ZNF507: variants seen among roughly 807,000 people sequenced by gnomAD.
ZNF507 encodes zinc finger protein 507.
Under a neutral mutation model 80.0 loss-of-function variants are expected in ZNF507, and 29 were observed. The ratio of observed to expected loss-of-function variants is 0.36; its 90% CI spans 0.27 to 0.49. The LOEUF is 0.49. ZNF507 is among the 20% of genes least tolerant of loss of function. ZNF507 has a pLI of 0.98. For synonymous variants in ZNF507, 462 were observed against 422.5 expected, an observed-to-expected ratio of 1.09 and a Z score of -1.15; for missense variants, 1,081 against 1,152.2, an observed-to-expected ratio of 0.94 and a Z score of 0.90.
chr19:32,381,990 G>A (rs1967629385), intron 5 of ZNF507: 1 of 152,482 alleles, frequency 6.6e-6, no homozygotes, highest in Admixed American at 6.5e-5. Flanking sequence ...CTAAATTGCT[G>A]AAGCTTTTTC....
intron 5 of ZNF507, among the ~76,000 whole-genome samples, chr19:32,370,942 T>C (rs939876833): frequency 6.6e-6 from 1 of 152,226 alleles, no homozygotes; most frequent in Admixed American, 6.5e-5. Flanking sequence ...TCCTTTTGCA[T>C]GTGGATATCC....
intron 4 of ZNF507, among the ~76,000 whole-genome samples, chr19:32,359,966 A>G (rs1405554300): frequency 1.3e-5 from 2 of 152,196 alleles, no homozygotes; most frequent in Admixed American, 6.5e-5. Context: ...GGCCTCCGGC[A>G]GTCCTCCCAC....
intron 3 of ZNF507, among the ~76,000 whole-genome samples, chr19:32,355,298 T>TA (rs1262953494): frequency 2.6e-5 from 4 of 152,228 alleles, no homozygotes; most frequent in South Asian, 2.1e-4. Context: ...ACGTTTGACT[T>TA]AAACAAATTT....
chr19:32,384,901 T>C lies in ZNF507; in HGVS notation c.*1818T>C, dbSNP rs370114991. ...CTCAAATCCACTGTATGTGGACTTA[T>C]ATTCATTTTCTCCTTTTTTCGGAAT... is the stretch of plus-strand genomic sequence containing the variant. On this transcript the variant is annotated 3_prime_UTR_variant, in exon 7 of 7. Coordinates refer to ENST00000355898, the MANE Select transcript of ZNF507 (RefSeq NM_001136156.2). 1.3e-4 allele frequency: 20 copies of C among 152,192 alleles called. No homozygotes were observed. The highest frequency in any genetic ancestry group is 4.6e-4 in the African/African-American group (19 of 41,454). The allele number at this position is 152,192 out of a possible 1,614,324, so 9.4% of individuals were successfully genotyped here. A position where few individuals can be genotyped will look rare whatever the true frequency, so the allele number is the denominator to read the frequency against.
At position 32,379,542 on chromosome 19, in the gene ZNF507, G is replaced by A. The variant is rs560618825; in HGVS notation, c.2361-2925G>A. Among the ~76,000 whole-genome samples, 4 of 152,284 alleles carry A rather than the reference G, an allele frequency of 2.6e-5. No homozygotes were observed. The East Asian group carries it at 7.7e-4, about 29-fold the overall frequency. On this transcript the variant is annotated intron_variant, in intron 5 of 6. Coordinates refer to ENST00000355898, the MANE Select transcript of ZNF507 (RefSeq NM_001136156.2). ...CTTCTTCACCCCTTCCTCCTGAGAG[G>A]TAACCCATTGTCTTGACAGTGATGT...
At position 32,356,733 on chromosome 19, in the gene ZNF507, G is replaced by A; in HGVS notation, c.2245G>A (p.Gly749Arg). Residue 749 changes from glycine to arginine, a missense_variant and splice_region_variant, in exon 4 of 7, where the codon GGG becomes AGG. Physicochemically the swap from Gly to Arg is moderately radical, Grantham distance 125. Around this residue, in one of 6 missense-constraint regions of ZNF507, gnomAD observed 40 missense variants for 52.4 expected, o/e 0.76. Transcript: ENST00000355898. ...AGCTGATGGAAAATGTGTCCAGGAA[G>A]GTATCTATGTATTTTGTTATGCAGG... ...DTADGKCVQE[G>R]NKSSVQKQYR... 6.2e-7 allele frequency: 1 copy of A among 1,611,318 alleles called. No individual in the cohort carries two copies. Among genetic ancestry groups the A allele is most frequent in the Non-Finnish European group, 8.5e-7 (1 of 1,177,494 alleles).
At chr19:32,374,734 A>C (rs1160400349) in intron 5 of ZNF507, among the ~76,000 whole-genome samples, 1 of 152,080 alleles carries the variant, frequency 6.6e-6, no homozygotes, top group African/African-American at 2.4e-5. Flanking sequence ...CACCCACCTC[A>C]GCCTCCCAAA....
chr19:32,351,802 A>G (rs141870229), intron 2 of ZNF507, among the ~76,000 whole-genome samples: 336 of 152,306 alleles, frequency 2.2e-3, no homozygotes, highest in African/African-American at 7.7e-3. Context: ...AAAAAAGCCT[A>G]AACTTAAAAA....
At chr19:32,352,071 G>GA (rs58546902) in intron 2 of ZNF507, among the ~76,000 whole-genome samples, 31,041 of 136,034 alleles carry the variant, frequency 0.23, 4,129 homozygotes, top group Non-Finnish European at 0.32. Flanking sequence ...CCCTTTCAGG[G>GA]AAAAAAAAAA....
Position 32,354,569 on chromosome 19 carries a change from A to G in ZNF507, c.1739A>G (p.Lys580Arg). 1 of 1,614,206 alleles carries G rather than the reference A, an allele frequency of 6.2e-7. No homozygotes were observed. Among genetic ancestry groups the G allele is most frequent in the East Asian group, 2.2e-5 (1 of 44,886 alleles). ...CAGGAATTGTCAGATGGGCAGGTTA[A>G]GACAGGCATCAGCATGTCCTTACTC... The part of the protein sequence containing the change: ...GRQELSDGQV[K>R]TGISMSLLTV... The change falls in exon 3 of 7, where the codon AAG becomes AGG. Residue 580 changes from lysine (K) to arginine (R), a missense_variant. This residue lies in a region of ZNF507 where 614 missense variants were observed against 583.9 expected (regional missense o/e 1.05). Coordinates refer to ENST00000355898, the MANE Select transcript of ZNF507 (RefSeq NM_001136156.2).
In ZNF507 at chr19:32,356,618, T is replaced by G; in HGVS notation, c.2130T>G (p.Ser710Arg). The G allele has an allele frequency of 6.2e-7, 1 of 1,610,242 alleles. No individual in the cohort carries two copies. The highest frequency in any genetic ancestry group is 8.5e-7 in the Non-Finnish European group (1 of 1,177,028). The change falls in exon 4 of 7, where the codon AGT becomes AGG. Residue 710 changes from serine (S) to arginine (R), a missense_variant and splice_region_variant. Coordinates refer to ENST00000355898, the MANE Select transcript of ZNF507 (RefSeq NM_001136156.2). ...ACATATTTCTTTCCACTTTTTAGAG[T>G]CAATTGAGGAACCATGAGAGAGAAC... ...KQCEESFHYK[S>R]QLRNHEREQH...
At chr19:32,351,995 C>T (rs1209436549) in intron 2 of ZNF507, among the ~76,000 whole-genome samples, 2 of 151,792 alleles carry the variant, frequency 1.3e-5, no homozygotes, top group Non-Finnish European at 2.9e-5. Context: ...CTTCTAAGGA[C>T]TCTGTTCATA....
intron 5 of ZNF507, among the ~76,000 whole-genome samples, 177 bp downstream of exon 5, chr19:32,360,795 A>G (rs1211170869): frequency 6.6e-6 from 1 of 152,032 alleles, no homozygotes; most frequent in African/African-American, 2.4e-5. Context: ...TTTTTGAGTC[A>G]GTGTCTTGCT....
chr19:32,357,510 A>T (rs930149784), intron 4 of ZNF507: 19 of 152,216 alleles, frequency 1.2e-4, no homozygotes, highest in Non-Finnish European at 2.5e-4. Context: ...ACAGAGTGAA[A>T]TGTTTTACCA....
intron 5 of ZNF507, chr19:32,380,583 GCTGA>G (rs1403397556): frequency 3.3e-6 from 5 of 1,534,888 alleles, no homozygotes; most frequent in Non-Finnish European, 4.4e-6. Flanking sequence ...CCTCGTTATT[GCTGA>G]CTGTGTCTCT....
chr19:32,356,769 T>C (rs1266960583), intron 4 of ZNF507, 36 bp downstream of exon 4: 1 of 1,527,416 alleles, frequency 6.5e-7, no homozygotes, highest in Middle Eastern at 1.7e-4. Flanking sequence ...CTGCAGTGAC[T>C]TGCACATGAC....
In ZNF507 at chr19:32,354,585, G is replaced by A. The variant is rs1356891029; in HGVS notation, c.1755G>A (p.Met585Ile). Residue 585 changes from methionine (M) to isoleucine (I), a missense_variant, in exon 3 of 7, where the codon ATG becomes ATA. Transcript: ENST00000355898. ...GGCAGGTTAAGACAGGCATCAGCATGTCCTTACTCACCGTCATTGAAAAAT... is the reference window on the plus strand; with the variant it reads ...GGCAGGTTAAGACAGGCATCAGCATATCCTTACTCACCGTCATTGAAAAAT... The part of the protein sequence containing the change: ...SDGQVKTGIS[M>I]SLLTVIEKLR... 3 of 1,614,050 alleles carry A rather than the reference G, an allele frequency of 1.9e-6. No individual in the cohort carries two copies. Among genetic ancestry groups the A allele is most frequent in the Non-Finnish European group, 8.5e-7 (1 of 1,180,034 alleles).
At chr19:32,379,171 A>T (rs1258008998) in intron 5 of ZNF507, among the ~76,000 whole-genome samples, 1 of 152,120 alleles carries the variant, frequency 6.6e-6, no homozygotes, top group Non-Finnish European at 1.5e-5. Context: ...ACTGAGTTTA[A>T]TGGCTTGGGG....
At chr19:32,350,288 T>C (rs1967146041) in intron 2 of ZNF507, among the ~76,000 whole-genome samples, 1 of 151,972 alleles carries the variant, frequency 6.6e-6, no homozygotes, top group Non-Finnish European at 1.5e-5. Flanking sequence ...GTTTTTCAGG[T>C]GTTTCCTGAC....
Sources: gnomAD v4.1 joint callset for allele counts (sites outside exome capture counted in the v4.1 genomes callset) on GRCh38, gnomAD v4.1.1 for gene constraint, gnomAD v4.1.1 regional missense constraint, MANE v1.5 for transcripts, NCBI Gene and HGNC (gene_info 2026-07-23, HGNC 2026-07-21) for gene names.